Variants in BCAR3 observed in about 807,000 individuals in gnomAD.
BCAR3 encodes breast cancer anti-estrogen resistance protein 3.
BCAR3 carries 37 observed loss-of-function variants against 80.1 expected under a neutral mutation model. That is an observed-to-expected ratio of 0.46 (90% CI 0.36 to 0.61). The LOEUF is 0.61. Ranked by LOEUF, BCAR3 falls within the 20% of genes least tolerant of loss-of-function variation. BCAR3 has a pLI of 0.00. For missense variants in BCAR3, 978 were observed against 1,068.2 expected, an observed-to-expected ratio of 0.92 and a Z score of 1.18; for synonymous variants, 389 against 418.9, an observed-to-expected ratio of 0.93 and a Z score of 0.87.
At chr1:93,570,649 CTG>C (rs1229590354) in intron 9 of BCAR3, among the ~76,000 whole-genome samples, 1 of 152,218 alleles carries the variant, frequency 6.6e-6, no homozygotes, top group Non-Finnish European at 1.5e-5. Context: ...ATAGGACAGT[CTG>C]TTTTAGGTGA....
chr1:93,587,577 G>A (rs1673996065), intron 5 of BCAR3, among the ~76,000 whole-genome samples: 1 of 152,100 alleles, frequency 6.6e-6, no homozygotes, highest in East Asian at 1.9e-4. Flanking sequence ...TGACTAGCAT[G>A]TGCCGGAGCC....
intron 3 of BCAR3, among the ~76,000 whole-genome samples, chr1:93,701,003 G>A (rs557944036): frequency 1.3e-5 from 2 of 152,318 alleles, no homozygotes; most frequent in Admixed American, 6.5e-5. Flanking sequence ...CACAGCCTTC[G>A]GGGCAGCCAA....
rs1435217418 is a variant in BCAR3 at position 93,749,146 on chromosome 1, T to TGG, written c.-62-43006_-62-43005dup. Among the ~76,000 whole-genome samples the TGG allele has an allele frequency of 1.1e-4, 15 of 141,644 alleles. No individual in the cohort carries two copies. The South Asian group carries it at 3.3e-3, about 31-fold the overall frequency. 92.9% of individuals were successfully genotyped at this position (141,644 alleles called of 152,430 possible). On this transcript the variant is annotated intron_variant, in intron 2 of 13. Coordinates refer to the BCAR3 transcript ENST00000370244. ...GGCCCCCACACACACAAACAAATAA[T>TGG]GGTGTGTGTGTGTGTGTGGTAATTG...
chr1:93,565,088 G>C (rs1028401135), intron 11 of BCAR3, among the ~76,000 whole-genome samples: 1 of 151,868 alleles, frequency 6.6e-6, no homozygotes, highest in Non-Finnish European at 1.5e-5. Context: ...CCAACCAAAG[G>C]CCAGATGGTG....
rs201424882 is a variant in BCAR3, at chr1:93,576,008, G to A, written c.1802+6C>T. 7.4e-6 allele frequency: 12 copies of A among 1,613,226 alleles called. No individual in the cohort carries two copies. Among genetic ancestry groups the A allele is most frequent in the Admixed American group, 1.7e-5 (1 of 60,020 alleles). ...GGTCGGAAGTGCAGAGGACGGCACT[G>A]CTCACCTTTCAATTATGTCCAGGCG... On this transcript the variant is annotated splice_donor_region_variant and intron_variant, in intron 8 of 11. Coordinates refer to ENST00000260502, the MANE Select transcript of BCAR3 (RefSeq NM_003567.4).
chr1:93,828,404 C>T (rs1312222032), intron 2 of BCAR3, among the ~76,000 whole-genome samples: 1 of 152,220 alleles, frequency 6.6e-6, no homozygotes. Flanking sequence ...ATTACTCTGA[C>T]CTTCCCCTGC....
intron 1 of BCAR3, among the ~76,000 whole-genome samples, chr1:93,680,761 T>TGACCC (rs1279815958): frequency 1.3e-5 from 2 of 152,192 alleles, no homozygotes; most frequent in Admixed American, 1.3e-4. Context: ...ACCCCAACCA[T>TGACCC]GACCCGACCC....
At chr1:93,683,901 C>T (rs1291581121), upstream of BCAR3, among the ~76,000 whole-genome samples, 1 of 152,118 alleles carries the variant, frequency 6.6e-6, no homozygotes, top group African/African-American at 2.4e-5. Context: ...TTGATTTGTG[C>T]ATGACTCTGC....
chr1:93,655,629 G>T (rs1270636104), intron 2 of BCAR3, among the ~76,000 whole-genome samples: 1 of 152,172 alleles, frequency 6.6e-6, no homozygotes, highest in East Asian at 1.9e-4. Context: ...AGACCACTGG[G>T]ATCTGAATAA....
intron 2 of BCAR3, among the ~76,000 whole-genome samples, chr1:93,814,572 G>A (rs563507418): frequency 5.3e-5 from 8 of 152,324 alleles, no homozygotes; most frequent in East Asian, 1.9e-4. Context: ...TGCCTTTGTC[G>A]CTGTTGTGAA....
intron 3 of BCAR3, among the ~76,000 whole-genome samples, chr1:93,689,342 G>A (rs1271309048): frequency 1.3e-5 from 2 of 151,934 alleles, no homozygotes; most frequent in African/African-American, 4.8e-5. Flanking sequence ...AAAAATTAGT[G>A]CTCACTTTGG....
At position 93,570,978 on chromosome 1, in the gene BCAR3, C is replaced by G. The variant is rs575028396; in HGVS notation, c.1974+692G>C. Among the ~76,000 whole-genome samples the G allele has an allele frequency of 7.9e-5, 12 of 152,238 alleles. No homozygotes were observed. The South Asian group carries it at 2.3e-3, about 29-fold the overall frequency. ...CAGCACTTTGGGAGGCCGAGGTGGG[C>G]AGATCACCTGAGGTCAGGAGTTCGA... is the stretch of plus-strand genomic sequence containing the variant. On this transcript the variant is annotated intron_variant, in intron 9 of 11. Coordinates refer to ENST00000260502, the MANE Select transcript of BCAR3 (RefSeq NM_003567.4).
intron 3 of BCAR3, among the ~76,000 whole-genome samples, chr1:93,638,995 T>C (rs559394860): frequency 6.6e-6 from 1 of 152,302 alleles, no homozygotes; most frequent in African/African-American, 2.4e-5. Flanking sequence ...GGATCTGCAA[T>C]TTATTTTCCT....
rs181976276 is a variant in BCAR3, at chr1:93,804,572, G to A, written c.-63+40995C>T. ...ACAGGCAGTGTATATAGTGTGCAGC[G>A]CTGGACAAAGAAATGATTCACATCC... On this transcript the variant is annotated intron_variant, in intron 2 of 13. Transcript: ENST00000370244. 2.8e-3 allele frequency among the ~76,000 whole-genome samples: 429 copies of A among 152,272 alleles called. 2 individuals are homozygous for A. The highest frequency in any genetic ancestry group is 4.9e-3 in the Non-Finnish European group (334 of 68,022).
At chr1:93,625,158 C>T (rs1384274105) in intron 3 of BCAR3, among the ~76,000 whole-genome samples, 2 of 152,166 alleles carry the variant, frequency 1.3e-5, no homozygotes, top group Non-Finnish European at 2.9e-5. Flanking sequence ...TTGCAATGAG[C>T]CAAGATTGCA....
chr1:93,704,435 A>G (rs1193540126), intron 3 of BCAR3, among the ~76,000 whole-genome samples: 1 of 152,214 alleles, frequency 6.6e-6, no homozygotes, highest in African/African-American at 2.4e-5. Context: ...AGGTACTGCT[A>G]TTCTCATTTT....
At position 93,614,328 on chromosome 1, in the gene BCAR3, G is replaced by C. The variant is rs150913386; in HGVS notation, c.358-21935C>G. On this transcript the variant is annotated intron_variant, in intron 3 of 11. Transcript: ENST00000260502. Reference sequence around the variant, plus strand: ...CTCCCCCGACCCAGAATTTCCTTCTGGGGCTGAACTGTACCATGCGACCTG... The same window carrying C: ...CTCCCCCGACCCAGAATTTCCTTCTCGGGCTGAACTGTACCATGCGACCTG... 3.9e-5 allele frequency among the ~76,000 whole-genome samples: 6 copies of C among 152,160 alleles called. No homozygotes were observed. In the East Asian group the frequency reaches 1.2e-3, roughly 29 times the overall value.
At chr1:93,846,323 G>C (rs1182309093) in intron 1 of BCAR3, among the ~76,000 whole-genome samples, 2 of 152,204 alleles carry the variant, frequency 1.3e-5, no homozygotes, top group East Asian at 3.9e-4. Context: ...AACGGGCTGT[G>C]GCCGAGCCGA....
At chr1:93,684,045 G>A (rs182528164), upstream of BCAR3, among the ~76,000 whole-genome samples, 79 of 152,196 alleles carry the variant, frequency 5.2e-4, 1 homozygote, top group South Asian at 3.5e-3. Context: ...AGTACCTTTC[G>A]CTTATGAGTG....
Sources: allele counts gnomAD v4.1 joint callset (sites outside exome capture counted in the v4.1 genomes callset), GRCh38; gene constraint gnomAD v4.1.1; transcripts MANE v1.5; gene names NCBI Gene and HGNC (gene_info 2026-07-23, HGNC 2026-07-21).